The following ETV4 variants were observed in gnomAD, a reference collection of about 807,000 sequenced individuals.
The protein encoded by ETV4 is ETS variant transcription factor 4, also known as ETS translocation variant 4.
In ETV4, 42 loss-of-function variants were observed where a neutral mutation model predicts 65.9. The ratio of observed to expected loss-of-function variants is 0.64; its 90% CI spans 0.50 to 0.82. The LOEUF (loss-of-function observed/expected upper bound fraction) is 0.82, where lower values mean the gene tolerates loss of function less well. Ranked by LOEUF, ETV4 falls within the 40% of genes least tolerant of loss-of-function variation. ETV4 has a pLI of 0.00. For missense variants in ETV4, 583 were observed against 630.3 expected, an observed-to-expected ratio of 0.92 and a Z score of 0.80; for synonymous variants, 238 against 260.0, an observed-to-expected ratio of 0.92 and a Z score of 0.81.
Position 43,544,960 on chromosome 17 carries a change from C to T in ETV4, c.202+15G>A, listed in dbSNP as rs374695979. ...TCCAGCCTCCCAAAATAGAAAAGGT[C>T]ACAAAACTACTCACCTTCAGCGAGC... On this transcript the variant is annotated intron_variant, in intron 4 of 12. Transcript: ENST00000319349. The T allele has an allele frequency of 2.5e-5, 41 of 1,613,384 alleles. No homozygotes were observed. The highest frequency in any genetic ancestry group is 3.5e-5 in the Non-Finnish European group (41 of 1,179,620).
At chr17:43,536,526 C>A (rs930938229) in intron 4 of ETV4, 47 bp from the exon 5 acceptor site, 1 of 1,574,066 alleles carries the variant, frequency 6.4e-7, no homozygotes, top group Non-Finnish European at 8.7e-7. Flanking sequence ...CCCTGGTTGT[C>A]CCCTGGGAGG....
chr17:43,542,317 T>C (rs1971565898), intron 4 of ETV4, among the ~76,000 whole-genome samples: 1 of 152,294 alleles, frequency 6.6e-6, no homozygotes, highest in East Asian at 1.9e-4. Flanking sequence ...ATAGGGCTTC[T>C]GGGAATCCAC....
At position 43,532,883 on chromosome 17, in the gene ETV4, C is replaced by A; in HGVS notation, c.602G>T (p.Gly201Val). ...GTAGGGGGCTGGGAGGGGTTCCCGG[C>A]CCCCTCCCTGAGATGTGAAGGAGTG... Reference protein sequence around the residue: ...ICHSFTSQGGGREPLPAPYQH... With the variant: ...ICHSFTSQGGVREPLPAPYQH... The change falls in exon 8 of 13, where the codon GGC becomes GTC. Residue 201 changes from glycine (G) to valine (V), a missense_variant. Physicochemically the swap from Gly to Val is moderately radical, Grantham distance 109. Coordinates refer to ENST00000319349, the MANE Select transcript of ETV4 (RefSeq NM_001079675.5). 6.2e-7 allele frequency: 1 copy of A among 1,603,626 alleles called. No individual in the cohort carries two copies. Among genetic ancestry groups the A allele is most frequent in the Non-Finnish European group, 8.5e-7 (1 of 1,174,054 alleles).
intron 10 of ETV4, 40 bp downstream of exon 10, chr17:43,529,844 A>G: frequency 1.9e-6 from 3 of 1,611,028 alleles, no homozygotes; most frequent in Non-Finnish European, 1.7e-6. Context: ...ACACAGCGTG[A>G]TAAGACCTTG....
intron 4 of ETV4, among the ~76,000 whole-genome samples, chr17:43,541,745 C>T (rs1567715490): frequency 6.6e-6 from 1 of 152,166 alleles, no homozygotes; most frequent in Non-Finnish European, 1.5e-5. Context: ...ACCGCTGTCC[C>T]TTACCCTGCC....
chr17:43,537,137 G>A (rs1305120671), intron 4 of ETV4, among the ~76,000 whole-genome samples: 5 of 152,184 alleles, frequency 3.3e-5, no homozygotes, highest in African/African-American at 1.2e-4. Flanking sequence ...AAGTCAAGGC[G>A]GGTGGATCAC....
chr17:43,530,372 A>T, intron 8 of ETV4, 191 bp from the exon 9 acceptor site: 1 of 1,442,218 alleles, frequency 6.9e-7, no homozygotes. Context: ...TGATGCTGGA[A>T]CCCCTCCTCA....
At position 43,545,097 on chromosome 17, in the gene ETV4, T is replaced by C. The variant is rs1971734626; in HGVS notation, c.155-75A>G. On this transcript the variant is annotated intron_variant, in intron 3 of 12. Coordinates refer to ENST00000319349, the MANE Select transcript of ETV4 (RefSeq NM_001079675.5). The stretch of plus-strand genomic sequence containing the variant: ...GAGAAGGGGCCCTAGCAAGACCCGG[T>C]GACTCCCCTGCCTTGGGAGTAGGGA... The C allele has an allele frequency of 4.7e-6, 7 of 1,483,548 alleles. No homozygotes were observed. The Admixed American group carries it at 1.2e-4, about 25-fold the overall frequency. The allele number at this position is 1,483,548 out of a possible 1,614,324, so 91.9% of individuals were successfully genotyped here.
intron 4 of ETV4, among the ~76,000 whole-genome samples, chr17:43,543,276 A>ACACTCT (rs1555559953): frequency 5.1e-5 from 7 of 138,258 alleles, no homozygotes; most frequent in African/African-American, 1.9e-4. Context: ...ACACACACAC[A>ACACTCT]CTCTCTCTCT....
chr17:43,536,530 T>G (rs1449539240), intron 4 of ETV4, 51 bp from the exon 5 acceptor site: 4 of 1,560,900 alleles, frequency 2.6e-6, no homozygotes, highest in Non-Finnish European at 3.5e-6. Context: ...GGTTGTCCCC[T>G]GGGAGGCTCC....
intron 4 of ETV4, among the ~76,000 whole-genome samples, chr17:43,537,686 ACT>A (rs1299912360): frequency 1.3e-5 from 2 of 149,486 alleles, no homozygotes; most frequent in South Asian, 4.2e-4. Flanking sequence ...ACAAAGTGAG[ACT>A]CTGTTCCAAA....
chr17:43,539,625 A>C (rs1364001482), intron 4 of ETV4, among the ~76,000 whole-genome samples: 1 of 152,218 alleles, frequency 6.6e-6, no homozygotes, highest in Non-Finnish European at 1.5e-5. Flanking sequence ...TACATGAATA[A>C]ACATGCAATA....
intron 12 of ETV4, 128 bp from the exon 13 acceptor site, chr17:43,528,871 G>T: frequency 1.3e-6 from 1 of 754,850 alleles, no homozygotes; most frequent in Non-Finnish European, 2.2e-6. Flanking sequence ...TCTCTCCCAT[G>T]CTGGTTCCTG....
At chr17:43,533,427 G>A (rs1173792476) in intron 6 of ETV4, 79 bp from the exon 7 acceptor site, 27 of 1,372,482 alleles carry the variant, frequency 2.0e-5, no homozygotes, top group Non-Finnish European at 2.6e-5. Context: ...CTAGGAAAGC[G>A]AGGTCACAGG....
chr17:43,544,840 G>A, intron 4 of ETV4, 135 bp downstream of exon 4: 4 of 766,802 alleles, frequency 5.2e-6, no homozygotes, highest in Non-Finnish European at 9.1e-6. Context: ...AAGGGACCTG[G>A]GGAGAGGGCC....
intron 8 of ETV4, among the ~76,000 whole-genome samples, chr17:43,530,628 G>A (rs1970874039): frequency 6.6e-6 from 1 of 151,956 alleles, no homozygotes; most frequent in Non-Finnish European, 1.5e-5. Context: ...GTGTGTGTGT[G>A]TGTGTGTGAC....
At chr17:43,544,067 C>A (rs1019020035) in intron 4 of ETV4, 72 of 152,304 alleles carry the variant, frequency 4.7e-4, no homozygotes, top group Admixed American at 4.5e-3. Flanking sequence ...TTGGCTTCTT[C>A]ATTTTCATAG....
Position 43,529,196 on chromosome 17 carries a change from A to G in ETV4, c.1169T>C (p.Met390Thr), listed in dbSNP as rs1269004981. The G allele has an allele frequency of 1.3e-5, 21 of 1,613,740 alleles. No homozygotes were observed. Among genetic ancestry groups the G allele is most frequent in the Non-Finnish European group, 1.6e-5 (19 of 1,179,978 alleles). The change falls in exon 12 of 13, where the codon ATG (methionine) becomes ACG (threonine). Residue 390 changes from methionine to threonine, a missense_variant. Transcript: ENST00000319349. ...LWGIQKNRPA[M>T]NYDKLSRSLR... ...CGAGCGGCTCAGCTTGTCGTAATTC[A>G]TGGCTGGCCGGTTCTTCTGGATGCC...
At chr17:43,532,998 G>A in intron 7 of ETV4, 59 bp from the exon 8 acceptor site, 8 of 1,524,382 alleles carry the variant, frequency 5.2e-6, no homozygotes, top group Non-Finnish European at 6.2e-6. Context: ...CCTTCCTCGA[G>A]CCTGTTACTC....
Sources: gnomAD v4.1 joint callset for allele counts (sites outside exome capture counted in the v4.1 genomes callset) on GRCh38, gnomAD v4.1.1 for gene constraint, MANE v1.5 for transcripts, NCBI Gene and HGNC (gene_info 2026-07-23, HGNC 2026-07-21) for gene names.